PTPRQ: variants seen among roughly 807,000 people sequenced by gnomAD.
PTPRQ encodes phosphatidylinositol phosphatase PTPRQ.
A neutral mutation model predicts 246.0 loss-of-function variants in PTPRQ; 199 were observed. The ratio of observed to expected loss-of-function variants is 0.81; its 90% CI spans 0.72 to 0.91. The LOEUF (loss-of-function observed/expected upper bound fraction) is 0.91, where lower values mean the gene tolerates loss of function less well. PTPRQ is among the 40% of genes least tolerant of loss of function. The pLI, the probability that PTPRQ is intolerant of heterozygous loss-of-function variation, is 0.00. For missense variants in PTPRQ, 2,624 were observed against 2,528.4 expected, an observed-to-expected ratio of 1.04 and a Z score of -0.81; for synonymous variants, 869 against 853.2, an observed-to-expected ratio of 1.02 and a Z score of -0.32.
Position 80,623,055 on chromosome 12 carries a change from G to A in PTPRQ, c.5686+921G>A, listed in dbSNP as rs17007013. Among the ~76,000 whole-genome samples, 245 of 152,158 alleles carry A rather than the reference G, an allele frequency of 1.6e-3. 3 individuals carry two copies. In the East Asian group the frequency reaches 0.043, roughly 26 times the overall value. On this transcript the variant is annotated intron_variant, in intron 33 of 44. Coordinates refer to ENST00000644991, the MANE Select transcript of PTPRQ (RefSeq NM_001145026.2). ...CGTCTTAAAGAATTGCATGAACAGGGTATTTCTGGGGCACCACTTGAAAAT... is the reference window on the plus strand; with the variant it reads ...CGTCTTAAAGAATTGCATGAACAGGATATTTCTGGGGCACCACTTGAAAAT...
At chr12:80,465,553 A>C (rs1893367308) in intron 6 of PTPRQ, 1 of 152,278 alleles carries the variant, frequency 6.6e-6, no homozygotes, top group African/African-American at 2.4e-5. Flanking sequence ...ACACAACCAA[A>C]AAAGAGAATT....
chr12:80,506,242 T>G, intron 15 of PTPRQ, 36 bp downstream of exon 15: 1 of 1,433,206 alleles, frequency 7.0e-7, no homozygotes, highest in Non-Finnish European at 9.3e-7. Context: ...TATTTGCATT[T>G]ATAATGACAG....
intron 25 of PTPRQ, among the ~76,000 whole-genome samples, chr12:80,575,689 A>G (rs1422644773): frequency 3.3e-5 from 5 of 151,580 alleles, no homozygotes; most frequent in South Asian, 2.1e-4. Context: ...AAAATACAAA[A>G]TTAGTCAGGT....
intron 17 of PTPRQ, among the ~76,000 whole-genome samples, chr12:80,514,589 A>AAT (rs1223880600): frequency 2.2e-5 from 3 of 134,666 alleles, no homozygotes; most frequent in Non-Finnish European, 4.7e-5. Flanking sequence ...TATATTATAT[A>AAT]ATATATATAA....
In PTPRQ at chr12:80,635,082, ACTC is replaced by A; in HGVS notation, c.5915+13_5915+15del. ...GACGAGAGATTAACGCGGTGAGCAC[ACTC>A]CTCTGGGTGAACTGTGGTCCAGAGG... On this transcript the variant is annotated intron_variant, in intron 35 of 44. Coordinates refer to ENST00000644991, the MANE Select transcript of PTPRQ (RefSeq NM_001145026.2). 2 of 1,549,606 alleles carry A rather than the reference ACTC, an allele frequency of 1.3e-6. No individual in the cohort carries two copies. Among genetic ancestry groups the A allele is most frequent in the Non-Finnish European group, 1.7e-6 (2 of 1,146,144 alleles).
chr12:80,569,306 G>C (rs947023642), intron 25 of PTPRQ, among the ~76,000 whole-genome samples: 1 of 144,134 alleles, frequency 6.9e-6, no homozygotes, highest in Non-Finnish European at 1.5e-5. Flanking sequence ...ATTTTTTATG[G>C]CTGCATAGTA....
intron 17 of PTPRQ, among the ~76,000 whole-genome samples, chr12:80,515,052 A>G (rs552200862): frequency 1.3e-5 from 2 of 152,116 alleles, no homozygotes; most frequent in East Asian, 3.9e-4. Context: ...GTGTCTTACT[A>G]ACATCCTTAG....
Position 80,516,755 on chromosome 12 carries a change from C to A in PTPRQ, c.2678+6312C>A, listed in dbSNP as rs376890797. ...CATGGTTACTGCATATAATATAGAT[C>A]AATCATCAGAATGGGAAGGGGGCCA... On this transcript the variant is annotated intron_variant, in intron 17 of 44. Coordinates refer to ENST00000644991, the MANE Select transcript of PTPRQ (RefSeq NM_001145026.2). 7.0e-4 allele frequency among the ~76,000 whole-genome samples: 106 copies of A among 152,232 alleles called. 2 individuals carry two copies. In the South Asian group the frequency reaches 0.022, roughly 31 times the overall value.
intron 17 of PTPRQ, among the ~76,000 whole-genome samples, chr12:80,526,488 C>A (rs1042856570): frequency 6.6e-6 from 1 of 152,040 alleles, no homozygotes; most frequent in African/African-American, 2.4e-5. Context: ...ATTTCACAGA[C>A]AATTAAGATC....
intron 30 of PTPRQ, among the ~76,000 whole-genome samples, chr12:80,616,816 A>AAAAC (rs911319558): frequency 4.0e-5 from 6 of 151,190 alleles, no homozygotes; most frequent in African/African-American, 7.3e-5. Context: ...CTTTCAAAAT[A>AAAAC]AAACAAACAA....
chr12:80,626,616 T>C (rs1459387581), intron 33 of PTPRQ, among the ~76,000 whole-genome samples: 1 of 152,158 alleles, frequency 6.6e-6, no homozygotes, highest in African/African-American at 2.4e-5. Flanking sequence ...CCAAGCTTTT[T>C]AACCATCCCA....
Position 80,506,154 on chromosome 12 carries a change from T to C in PTPRQ, c.2403T>C (p.Asn801=). The C allele has an allele frequency of 2.0e-6, 3 of 1,532,528 alleles. No individual in the cohort carries two copies. The highest frequency in any genetic ancestry group is 1.8e-6 in the Non-Finnish European group (2 of 1,140,020). 94.9% of individuals were successfully genotyped at this position (1,532,528 alleles called of 1,614,324 possible). Residue 801 remains asparagine (N), a synonymous_variant, in exon 15 of 45, where the codon AAT becomes AAC. Transcript: ENST00000644991. The stretch of plus-strand genomic sequence containing the variant: ...ATACAATTTATCTCAAGAGAAGTAA[T>C]GGAAATGAGGAAAGAACTATAAATA... The part of the protein sequence containing the change: ...QKYTIYLKRS[N]GNEERTINTT...
chr12:80,458,669 T>C (rs529908081), intron 4 of PTPRQ, among the ~76,000 whole-genome samples: 1 of 152,186 alleles, frequency 6.6e-6, no homozygotes, highest in East Asian at 1.9e-4. Context: ...ATGAGGTTAA[T>C]GGGAATAATT....
intron 25 of PTPRQ, among the ~76,000 whole-genome samples, chr12:80,571,170 A>G (rs1386406462): frequency 1.3e-5 from 2 of 152,074 alleles, no homozygotes; most frequent in Non-Finnish European, 2.9e-5. Context: ...TAAATTATGG[A>G]GTCTCACTCT....
chr12:80,447,755 G>A (rs1005438263), intron 3 of PTPRQ, among the ~76,000 whole-genome samples: 2 of 151,854 alleles, frequency 1.3e-5, no homozygotes, highest in Non-Finnish European at 2.9e-5. Flanking sequence ...TTCCATTAAA[G>A]TATATCTGTA....
At chr12:80,675,125 A>T (rs1901094598) in intron 43 of PTPRQ, among the ~76,000 whole-genome samples, 1 of 152,164 alleles carries the variant, frequency 6.6e-6, no homozygotes, top group Admixed American at 6.5e-5. Context: ...CAGGATTCAG[A>T]AATGGAATAT....
chr12:80,527,163 T>C (rs972166384), intron 17 of PTPRQ, among the ~76,000 whole-genome samples: 3 of 152,096 alleles, frequency 2.0e-5, no homozygotes, highest in African/African-American at 7.2e-5. Flanking sequence ...GACACTTTCA[T>C]TTATAAAATT....
intron 17 of PTPRQ, among the ~76,000 whole-genome samples, chr12:80,514,613 A>C (rs965617719): frequency 1.7e-4 from 6 of 35,196 alleles, no homozygotes; most frequent in African/African-American, 4.6e-4. Context: ...ATTTGTATAT[A>C]TATTATACAA....
At chr12:80,610,344 AG>A in intron 27 of PTPRQ, 94 bp from the exon 28 acceptor site, 1 of 1,051,868 alleles carries the variant, frequency 9.5e-7, no homozygotes, top group Non-Finnish European at 1.3e-6. Context: ...AAATTTGGCT[AG>A]ATAAATACAT....
Sources: allele counts gnomAD v4.1 joint callset (sites outside exome capture counted in the v4.1 genomes callset), GRCh38; gene constraint gnomAD v4.1.1; transcripts MANE v1.5; gene names NCBI Gene and HGNC (gene_info 2026-07-23, HGNC 2026-07-21).